Variants in ZNG1C observed in about 807,000 individuals in gnomAD.
The protein encoded by ZNG1C is Zn regulated GTPase metalloprotein activator 1C.
At chr9:68,296,740 G>A in the ZNG1C span, among the ~76,000 whole-genome samples, 1 of 151,482 alleles carries the variant, frequency 6.6e-6, no homozygotes, top group African/African-American at 2.4e-5. Context: ...ATAATGTTAT[G>A]CTTAGCCCTT....
the ZNG1C span, among the ~76,000 whole-genome samples, chr9:68,293,212 C>G: frequency 6.6e-6 from 1 of 152,278 alleles, no homozygotes; most frequent in East Asian, 1.9e-4. Context: ...AACAGAACCT[C>G]TTTAAAGCAT....
chr9:68,271,869 A>C, the ZNG1C span, among the ~76,000 whole-genome samples: 40 of 151,132 alleles, frequency 2.6e-4, no homozygotes, highest in African/African-American at 9.2e-4. Flanking sequence ...AGGTATAGGA[A>C]ATACAGGAAG....
chr9:68,255,969 G>A, the ZNG1C span, among the ~76,000 whole-genome samples: 1 of 151,852 alleles, frequency 6.6e-6, no homozygotes, highest in African/African-American at 2.4e-5. Flanking sequence ...TTACGTTTTT[G>A]GGAAAAAAAT....
At chr9:68,275,268 C>G in the ZNG1C span, among the ~76,000 whole-genome samples, 1 of 132,284 alleles carries the variant, frequency 7.6e-6, no homozygotes, top group Non-Finnish European at 1.7e-5. Context: ...CGTTTTCACA[C>G]AAATAACTCT....
the ZNG1C span, chr9:68,299,137 A>G: frequency 1.9e-6 from 3 of 1,605,766 alleles, no homozygotes; most frequent in South Asian, 3.3e-5. Context: ...AGTGAAAAAT[A>G]TATTTGAAAG....
At chr9:68,276,169 A>T in the ZNG1C span, among the ~76,000 whole-genome samples, 1 of 124,578 alleles carries the variant, frequency 8.0e-6, no homozygotes, top group African/African-American at 3.0e-5. Context: ...TTTTCTTGTA[A>T]ATTTGTTTGA....
the ZNG1C span, among the ~76,000 whole-genome samples, chr9:68,292,003 C>T: frequency 4.8e-5 from 7 of 147,176 alleles, no homozygotes; most frequent in East Asian, 8.2e-4. Context: ...TCACATCTCC[C>T]GACTCTGTGC....
the ZNG1C span, among the ~76,000 whole-genome samples, chr9:68,284,895 A>ATTT: frequency 1.6e-5 from 2 of 127,446 alleles, no homozygotes; most frequent in Admixed American, 7.7e-5. Context: ...TCGTTGTTAG[A>ATTT]TTTTTTTTTT....
At chr9:68,290,969 A>G in the ZNG1C span, among the ~76,000 whole-genome samples, 1 of 151,326 alleles carries the variant, frequency 6.6e-6, no homozygotes, top group Non-Finnish European at 1.5e-5. Context: ...TGTCACACAA[A>G]TACTTACCAT....
chr9:68,275,966 T>A, the ZNG1C span, among the ~76,000 whole-genome samples: 1 of 150,538 alleles, frequency 6.6e-6, no homozygotes, highest in Non-Finnish European at 1.5e-5. Context: ...CCAGCACCTG[T>A]TGTTTCCTGA....
chr9:68,287,426 A>C, the ZNG1C span, among the ~76,000 whole-genome samples: 2 of 151,974 alleles, frequency 1.3e-5, no homozygotes, highest in South Asian at 4.1e-4. Flanking sequence ...TTTCAAAGAT[A>C]TAAAAGAATA....
chr9:68,254,878 G>C, the ZNG1C span: 1 of 149,858 alleles, frequency 6.7e-6, no homozygotes, highest in African/African-American at 2.5e-5. Flanking sequence ...AAAGCATGGA[G>C]ATGGTTAAAA....
chr9:68,287,026 T>C, the ZNG1C span, among the ~76,000 whole-genome samples: 2 of 152,308 alleles, frequency 1.3e-5, no homozygotes, highest in African/African-American at 2.4e-5. Flanking sequence ...CCAAGAATCA[T>C]AGGGATGAAA....
the ZNG1C span, chr9:68,247,710 G>A: frequency 1.3e-6 from 1 of 765,414 alleles, no homozygotes; most frequent in East Asian, 2.6e-5. Flanking sequence ...GTTCAGTGAA[G>A]TGAGGAATGT....
chr9:68,264,828 T>TAC, the ZNG1C span, among the ~76,000 whole-genome samples: 1 of 64,916 alleles, frequency 1.5e-5, no homozygotes, highest in Non-Finnish European at 3.2e-5. Context: ...AGATTATATA[T>TAC]ATATATATAT....
At chr9:68,256,654 AATG>A in the ZNG1C span, among the ~76,000 whole-genome samples, 2 of 130,244 alleles carry the variant, frequency 1.5e-5, no homozygotes, top group African/African-American at 5.9e-5. Context: ...TCGGTAGAAG[AATG>A]ATGTTTTGTT....
chr9:68,284,917 G>T, the ZNG1C span, among the ~76,000 whole-genome samples: 3 of 112,752 alleles, frequency 2.7e-5, no homozygotes, highest in African/African-American at 3.6e-5. Context: ...TTTTTTTTTT[G>T]CTGCGTATGA....
chr9:68,280,548 T>A, the ZNG1C span, among the ~76,000 whole-genome samples: 1 of 52,972 alleles, frequency 1.9e-5, no homozygotes, highest in African/African-American at 8.0e-5. Flanking sequence ...TAGTTTTCCT[T>A]CTAACAGACA....
the ZNG1C span, among the ~76,000 whole-genome samples, chr9:68,282,689 CCTT>C: frequency 1.3e-5 from 1 of 75,516 alleles, no homozygotes; most frequent in Non-Finnish European, 3.2e-5. Context: ...AGTTATTCCT[CCTT>C]CTCAGTTTGG....
Sources: gnomAD v4.1 joint callset for allele counts (sites outside exome capture counted in the v4.1 genomes callset) on GRCh38, gnomAD v4.1.1 for gene constraint, MANE v1.5 for transcripts, NCBI Gene and HGNC (gene_info 2026-07-23, HGNC 2026-07-21) for gene names.